The following NAPB variants were observed in gnomAD, a reference collection of about 807,000 sequenced individuals.
NAPB encodes the protein NSF attachment protein beta, also known as beta-soluble NSF attachment protein.
Under a neutral mutation model 44.7 loss-of-function variants are expected in NAPB, and 26 were observed. The ratio of observed to expected loss-of-function variants is 0.58; its 90% CI spans 0.43 to 0.81. NAPB has a LOEUF of 0.81. NAPB is among the 30% of genes least tolerant of loss of function. The pLI is 0.00. For missense variants in NAPB, 315 were observed against 356.4 expected (o/e 0.88, Z 0.94); for synonymous variants, 120 against 116.8 (o/e 1.03, Z -0.18).
intron 10 of NAPB, 65 bp downstream of exon 10, chr20:23,379,380 A>C: frequency 8.1e-7 from 1 of 1,240,120 alleles, no homozygotes; most frequent in South Asian, 1.3e-5. Context: ...CATAATGAAA[A>C]GGAAAAGAAG....
At chr20:23,393,213 C>T (rs1312479920) in intron 5 of NAPB, among the ~76,000 whole-genome samples, 1 of 152,152 alleles carries the variant, frequency 6.6e-6, no homozygotes, top group African/African-American at 2.4e-5. Context: ...CCACAGATAA[C>T]CTTCCAAAGA....
intron 1 of NAPB, among the ~76,000 whole-genome samples, chr20:23,408,311 TG>T (rs34973209): frequency 6.6e-6 from 1 of 152,322 alleles, no homozygotes; most frequent in Admixed American, 6.5e-5. Context: ...ACTGATGCTC[TG>T]GGGAAGAGGA....
intron 8 of NAPB, 94 bp downstream of exon 8, chr20:23,381,119 C>T (rs565662545): frequency 1.5e-5 from 13 of 857,372 alleles, no homozygotes; most frequent in Non-Finnish European, 2.4e-5. Context: ...ATTCTTGGTA[C>T]TAACATCAAA....
At chr20:23,397,354 T>C (rs1984446713) in intron 2 of NAPB, among the ~76,000 whole-genome samples, 166 bp from the exon 3 acceptor site, 1 of 152,156 alleles carries the variant, frequency 6.6e-6, no homozygotes, top group Admixed American at 6.5e-5. Context: ...AATATAAAAA[T>C]AACCAGAATC....
At position 23,399,348 on chromosome 20, in the gene NAPB, G is replaced by C. The variant is rs573124344; in HGVS notation, c.179-2160C>G. Among the ~76,000 whole-genome samples the C allele has an allele frequency of 1.6e-4, 24 of 152,144 alleles. No individual in the cohort carries two copies. The East Asian group carries it at 4.1e-3, about 26-fold the overall frequency. Reference sequence around the variant, plus strand: ...CATGAGAGCACCACCCTCATAAATGGGATGAGTGCCCTTATAAAAGAGGTT... The same window carrying C: ...CATGAGAGCACCACCCTCATAAATGCGATGAGTGCCCTTATAAAAGAGGTT... On this transcript the variant is annotated intron_variant, in intron 2 of 10. Coordinates refer to ENST00000377026, the MANE Select transcript of NAPB (RefSeq NM_022080.3).
chr20:23,420,495 G>A (rs1372374505), intron 1 of NAPB, among the ~76,000 whole-genome samples: 1 of 152,018 alleles, frequency 6.6e-6, no homozygotes, highest in Non-Finnish European at 1.5e-5. Flanking sequence ...CCTCCCCGGC[G>A]GGGCCCACCT....
At chr20:23,405,306 A>G (rs569261731) in intron 1 of NAPB, among the ~76,000 whole-genome samples, 1 of 145,218 alleles carries the variant, frequency 6.9e-6, no homozygotes, top group Non-Finnish European at 1.5e-5. Context: ...AGAGAGAGAG[A>G]CAGAGAAAGA....
rs372949482 is a variant in NAPB, at chr20:23,377,328, G to T, written c.*48C>A. On this transcript the variant is annotated 3_prime_UTR_variant, in exon 11 of 11. Coordinates refer to ENST00000377026, the MANE Select transcript of NAPB (RefSeq NM_022080.3). ...TCCCATAAAGATCACTTGACCCTAA[G>T]ACAAAACTAAAGAGGAGTTAGCTGC... The T allele has an allele frequency of 1.5e-6, 2 of 1,298,192 alleles. No homozygotes were observed. Among genetic ancestry groups the T allele is most frequent in the South Asian group, 1.4e-5 (1 of 69,950 alleles). 80.4% of individuals were successfully genotyped at this position (1,298,192 alleles called of 1,614,324 possible). A position where few individuals can be genotyped will look rare whatever the true frequency, so the allele number is the denominator to read the frequency against.
chr20:23,421,184 C>A (rs926622194), intron 1 of NAPB, 121 bp downstream of exon 1: 16 of 764,078 alleles, frequency 2.1e-5, no homozygotes, highest in Middle Eastern at 2.7e-4. Flanking sequence ...AGGCTGAGGG[C>A]CCCTAGACGT....
chr20:23,389,843 T>A (rs1056618245), intron 7 of NAPB, 103 bp downstream of exon 7: 2 of 943,586 alleles, frequency 2.1e-6, no homozygotes, highest in African/African-American at 3.3e-5. Context: ...CTGTACTCAT[T>A]ACGTGATGTG....
At chr20:23,380,997 T>A in intron 8 of NAPB, 4 of 499,852 alleles carry the variant, frequency 8.0e-6, no homozygotes, top group Non-Finnish European at 1.5e-5. Context: ...GTGTTCAGGG[T>A]GGTATGGCTA....
At chr20:23,420,245 C>G (rs1267297200) in intron 1 of NAPB, among the ~76,000 whole-genome samples, 1 of 152,072 alleles carries the variant, frequency 6.6e-6, no homozygotes, top group Non-Finnish European at 1.5e-5. Context: ...TAGGAGAGCA[C>G]GGAAGAATTA....
chr20:23,403,755 G>T (rs571996387), intron 1 of NAPB, among the ~76,000 whole-genome samples: 1 of 152,254 alleles, frequency 6.6e-6, no homozygotes, highest in East Asian at 1.9e-4. Flanking sequence ...TTAAAAGTAC[G>T]TTTTTCAAAG....
intron 5 of NAPB, among the ~76,000 whole-genome samples, chr20:23,393,268 T>C (rs1181976898): frequency 2.0e-5 from 3 of 151,694 alleles, no homozygotes; most frequent in Non-Finnish European, 2.9e-5. Flanking sequence ...CCTGACTTGA[T>C]CAAGATCAGG....
intron 7 of NAPB, among the ~76,000 whole-genome samples, chr20:23,383,229 T>C (rs557876707): frequency 1.3e-5 from 2 of 151,434 alleles, no homozygotes; most frequent in East Asian, 1.9e-4. Context: ...ATTCTCAAAT[T>C]TGACAAGAAA....
intron 1 of NAPB, among the ~76,000 whole-genome samples, chr20:23,419,481 C>A (rs1986239439): frequency 6.6e-6 from 1 of 152,228 alleles, no homozygotes; most frequent in Non-Finnish European, 1.5e-5. Context: ...TCTCCTGAGA[C>A]AAGCACCAAG....
intron 1 of NAPB, among the ~76,000 whole-genome samples, chr20:23,407,284 T>C (rs973001435): frequency 6.6e-6 from 1 of 152,244 alleles, no homozygotes; most frequent in Admixed American, 6.5e-5. Flanking sequence ...TATGGACAAG[T>C]ATTCAGAATT....
chr20:23,395,269 T>C (rs1339669899), intron 3 of NAPB, 84 bp from the exon 4 acceptor site: 1 of 1,470,194 alleles, frequency 6.8e-7, no homozygotes, highest in African/African-American at 1.4e-5. Context: ...CTGGCTGTTA[T>C]CAGAACGTTA....
chr20:23,397,231 C>T, intron 2 of NAPB, 43 bp from the exon 3 acceptor site: 2 of 1,575,690 alleles, frequency 1.3e-6, no homozygotes, highest in South Asian at 1.1e-5. Context: ...ACAAGTCCCC[C>T]CCAGAGCAGC....
Sources: allele counts gnomAD v4.1 joint callset (sites outside exome capture counted in the v4.1 genomes callset), GRCh38; gene constraint gnomAD v4.1.1; transcripts MANE v1.5; gene names NCBI Gene and HGNC (gene_info 2026-07-23, HGNC 2026-07-21).